The following EPHA2 variants were observed in gnomAD, a reference collection of about 807,000 sequenced individuals.
The protein encoded by EPHA2 is EPH receptor A2.
EPHA2 carries 54 observed loss-of-function variants against 104.9 expected under a neutral mutation model. That is an observed-to-expected ratio of 0.51 (90% CI 0.41 to 0.65). The LOEUF is 0.65. Ranked by LOEUF, EPHA2 falls within the 30% of genes least tolerant of loss-of-function variation. The pLI is 0.00. For synonymous variants in EPHA2, 560 were observed against 559.1 expected (o/e 1.00, Z -0.02); for missense variants, 1,117 against 1,369.5 (o/e 0.82, Z 2.91).
At chr1:16,136,217 G>A (rs1467338726) in intron 5 of EPHA2, among the ~76,000 whole-genome samples, 3 of 151,868 alleles carry the variant, frequency 2.0e-5, no homozygotes, top group Non-Finnish European at 4.4e-5. Context: ...TTCAGCTCCA[G>A]AGCACAGGGC....
At chr1:16,133,095 G>C (rs1236313283) in intron 11 of EPHA2, 85 bp downstream of exon 11, 8 of 1,569,632 alleles carry the variant, frequency 5.1e-6, no homozygotes, top group Non-Finnish European at 6.9e-6. Context: ...GTGGGCACAG[G>C]TATAGGGGAG....
At chr1:16,136,626 AAAGAAG>A (rs137893464) in intron 5 of EPHA2, among the ~76,000 whole-genome samples, 4 of 146,218 alleles carry the variant, frequency 2.7e-5, no homozygotes, top group African/African-American at 5.3e-5. Flanking sequence ...TCTCAAAAAA[AAAGAAG>A]AAGAAGAAGA....
Position 16,131,654 on chromosome 1 carries a change from C to T in EPHA2, c.2475+67G>A, listed in dbSNP as rs1007974704. 1 of 1,600,860 alleles carries T rather than the reference C, an allele frequency of 6.2e-7. No individual in the cohort carries two copies. The highest frequency in any genetic ancestry group is 8.5e-7 in the Non-Finnish European group (1 of 1,169,686). On this transcript the variant is annotated intron_variant, in intron 14 of 16. Coordinates refer to ENST00000358432, the MANE Select transcript of EPHA2 (RefSeq NM_004431.5). The surrounding 1 kb of genome is among the most constrained non-coding windows in gnomAD (Gnocchi z 5.2). ...TAAACTGTCCTCTGCCCAGCCCCTG[C>T]AGTTTGAGATGAGTAAAGGGCTTGA... is the stretch of plus-strand genomic sequence containing the variant.
Position 16,131,623 on chromosome 1 carries a change from T to G in EPHA2, c.2475+98A>C. ...CATTTATGGAGCAAGCCTAAGAAGG[T>G]TCATCTAAACTGTCCTCTGCCCAGC... On this transcript the variant is annotated intron_variant, in intron 14 of 16. Coordinates refer to ENST00000358432, the MANE Select transcript of EPHA2 (RefSeq NM_004431.5). The surrounding 1 kb of genome is among the most constrained non-coding windows in gnomAD (Gnocchi z 5.2). 6.6e-7 allele frequency: 1 copy of G among 1,523,404 alleles called. No homozygotes were observed. Among genetic ancestry groups the G allele is most frequent in the Non-Finnish European group, 9.0e-7 (1 of 1,110,288 alleles). 94.4% of individuals were successfully genotyped at this position (1,523,404 alleles called of 1,614,324 possible).
Position 16,134,373 on chromosome 1 carries a change from C to G in EPHA2, c.1682+95G>C. 1 of 1,297,460 alleles carries G rather than the reference C, an allele frequency of 7.7e-7. No individual in the cohort carries two copies. The highest frequency in any genetic ancestry group is 1.5e-5 in the African/African-American group (1 of 68,370). The allele number at this position is 1,297,460 out of a possible 1,614,324, so 80.4% of individuals were successfully genotyped here. A position where few individuals can be genotyped will look rare whatever the true frequency, so the allele number is the denominator to read the frequency against. On this transcript the variant is annotated intron_variant, in intron 8 of 16. Coordinates refer to ENST00000358432, the MANE Select transcript of EPHA2 (RefSeq NM_004431.5). The surrounding 1 kb of genome is among the most constrained non-coding windows in gnomAD (Gnocchi z 4.5). ...GGCAGGGATTAGACTCGACTAGCAT[C>G]CTGTGGGCCCCATCGTTCAGATGAG...
In EPHA2 at chr1:16,130,268, C is replaced by CGA. The variant is rs1557501814; in HGVS notation, c.2625_2626dup (p.Arg876LeufsTer65). ...CAGGGTCTTGAGGGAGTCAGGGGCA[C>CGA]GAATGAGCTTGTCCAGGATGCTGAC... On this transcript the variant is annotated frameshift_variant, in exon 15 of 17. Transcript: ENST00000358432. LOFTEE classifies it high-confidence loss of function. The surrounding 1 kb of genome is among the most constrained non-coding windows in gnomAD (Gnocchi z 4.5). 1 of 1,613,892 alleles carries CGA rather than the reference C, an allele frequency of 6.2e-7. No individual in the cohort carries two copies. Among genetic ancestry groups the CGA allele is most frequent in the Admixed American group, 1.7e-5 (1 of 59,998 alleles).
At position 16,125,388 on chromosome 1, in the gene EPHA2, GACAGGAC is replaced by G; in HGVS notation, c.2826-75_2826-69del. 1 of 376,144 alleles carries G rather than the reference GACAGGAC, an allele frequency of 2.7e-6. No homozygotes were observed. The highest frequency in any genetic ancestry group is 5.5e-6 in the Non-Finnish European group (1 of 181,646). 23.3% of individuals were successfully genotyped at this position (376,144 alleles called of 1,614,324 possible). A position where few individuals can be genotyped will look rare whatever the true frequency, so the allele number is the denominator to read the frequency against. ...AGGGGAGGGGGCCGGGCTGGGTGGG[GACAGGAC>G]TCGGTGGGCGGCTGGGGAGGGGAGT... On this transcript the variant is annotated intron_variant, in intron 16 of 16. Transcript: ENST00000358432. The surrounding 1 kb of genome is among the most constrained non-coding windows in gnomAD (Gnocchi z 4.9).
chr1:16,132,715 G>A (rs2024598754), intron 11 of EPHA2, among the ~76,000 whole-genome samples: 1 of 149,492 alleles, frequency 6.7e-6, no homozygotes, highest in Non-Finnish European at 1.5e-5. Context: ...AGGTGTAGAG[G>A]AGGTGGGTAC....
rs535388142 is a variant in EPHA2 at position 16,153,041 on chromosome 1, G to A, written c.86-2078C>T. On this transcript the variant is annotated intron_variant, in intron 1 of 16. Transcript: ENST00000358432. ...AAGGGTGGGAGCCTGGGAGCCCCTC[G>A]GCTGACCCAGACGGCTTCCTGGAGA... 3.9e-3 allele frequency: 3,356 copies of A among 849,976 alleles called. 6 individuals carry two copies. The highest frequency in any genetic ancestry group is 6.0e-3 in the Middle Eastern group (10 of 1,672). The allele number at this position is 849,976 out of a possible 1,614,324, so 52.7% of individuals were successfully genotyped here. A position where few individuals can be genotyped will look rare whatever the true frequency, so the allele number is the denominator to read the frequency against.
intron 1 of EPHA2, among the ~76,000 whole-genome samples, chr1:16,152,024 C>T (rs1182267258): frequency 6.6e-6 from 1 of 152,226 alleles, no homozygotes; most frequent in Non-Finnish European, 1.5e-5. Context: ...GTCCAGGTAG[C>T]TGCCAATAAG....
rs1288595516 is a variant in EPHA2 at position 16,149,166 on chromosome 1, A to C, written c.154-119T>G. The C allele has an allele frequency of 4.6e-6, 5 of 1,098,652 alleles. No homozygotes were observed. In the Admixed American group the frequency reaches 9.7e-5, roughly 21 times the overall value. 68.1% of individuals were successfully genotyped at this position (1,098,652 alleles called of 1,614,324 possible). ...TCGTGCTCTCCGGGTTCTACGGTGA[A>C]GGAAACTGAGGCCTGAGGCGGGTGG... On this transcript the variant is annotated intron_variant, in intron 2 of 16. Coordinates refer to ENST00000358432, the MANE Select transcript of EPHA2 (RefSeq NM_004431.5).
In EPHA2 at chr1:16,150,875, C is replaced by T. The variant is rs1180311384; in HGVS notation, c.153+21G>A. 5.6e-6 allele frequency: 9 copies of T among 1,614,024 alleles called. No individual in the cohort carries two copies. The highest frequency in any genetic ancestry group is 7.6e-6 in the Non-Finnish European group (9 of 1,179,932). On this transcript the variant is annotated intron_variant, in intron 2 of 16. Transcript: ENST00000358432. This position sits in a 1 kb window ranked among gnomAD's most constrained non-coding sequence, Gnocchi z 4.8. ...AGCAGCCCCATTCTCACACCTCTCCCCACCCCGAAGGCTTACATACCCCTT... is the reference window on the plus strand; with the variant it reads ...AGCAGCCCCATTCTCACACCTCTCCTCACCCCGAAGGCTTACATACCCCTT...
Position 16,150,752 on chromosome 1 carries a change from A to G in EPHA2, c.153+144T>C, listed in dbSNP as rs967191898. On this transcript the variant is annotated intron_variant, in intron 2 of 16. Coordinates refer to ENST00000358432, the MANE Select transcript of EPHA2 (RefSeq NM_004431.5). This position sits in a 1 kb window ranked among gnomAD's most constrained non-coding sequence, Gnocchi z 4.8. ...GCCGGCTGACTCTGAGCCTGGTGTGAGAAGCTGGACCCTGAGCCTGAGACC... is the reference window on the plus strand; with the variant it reads ...GCCGGCTGACTCTGAGCCTGGTGTGGGAAGCTGGACCCTGAGCCTGAGACC... 3.2e-6 allele frequency: 3 copies of G among 933,824 alleles called. No individual in the cohort carries two copies. In the Admixed American group the frequency reaches 5.6e-5, roughly 17 times the overall value. The allele number at this position is 933,824 out of a possible 1,614,324, so 57.8% of individuals were successfully genotyped here.
Position 16,150,880 on chromosome 1 carries a change from C to G in EPHA2, c.153+16G>C, listed in dbSNP as rs1424427299. 5 of 1,613,970 alleles carry G rather than the reference C, an allele frequency of 3.1e-6. No individual in the cohort carries two copies. In the African/African-American group the frequency reaches 6.7e-5, roughly 22 times the overall value. On this transcript the variant is annotated intron_variant, in intron 2 of 16. Coordinates refer to ENST00000358432, the MANE Select transcript of EPHA2 (RefSeq NM_004431.5). This position sits in a 1 kb window ranked among gnomAD's most constrained non-coding sequence, Gnocchi z 4.8. ...CCCCATTCTCACACCTCTCCCCACC[C>G]CGAAGGCTTACATACCCCTTTGCCA...
Position 16,134,025 on chromosome 1 carries a change from A to G in EPHA2, c.1683-110T>C. On this transcript the variant is annotated intron_variant, in intron 8 of 16. Transcript: ENST00000358432. This position sits in a 1 kb window ranked among gnomAD's most constrained non-coding sequence, Gnocchi z 4.5. ...CCTAGGAGGACCTGGGGTGCTCAGA[A>G]TGCGGCCCAGTCCCCGCTTTTGCTG... The G allele has an allele frequency of 1.8e-6, 2 of 1,113,046 alleles. No individual in the cohort carries two copies. Among genetic ancestry groups the G allele is most frequent in the Non-Finnish European group, 2.5e-6 (2 of 787,570 alleles). The allele number at this position is 1,113,046 out of a possible 1,614,324, so 68.9% of individuals were successfully genotyped here.
intron 2 of EPHA2, among the ~76,000 whole-genome samples, chr1:16,149,989 T>C (rs2025006496): frequency 6.6e-6 from 1 of 152,180 alleles, no homozygotes; most frequent in Non-Finnish European, 1.5e-5. Flanking sequence ...TACATGCCCT[T>C]GGGCCTCAGT....
intron 1 of EPHA2, 46 bp from the exon 2 acceptor site, chr1:16,151,009 G>A (rs1216449572): frequency 6.3e-7 from 1 of 1,598,828 alleles, no homozygotes; most frequent in African/African-American, 1.3e-5. Flanking sequence ...GTGTCTTCAG[G>A]AGTCAGACCA....
In EPHA2 at chr1:16,132,366, C is replaced by G. The variant is rs2024587589; in HGVS notation, c.2115+12G>C. The G allele has an allele frequency of 6.2e-7, 1 of 1,614,070 alleles. No homozygotes were observed. The highest frequency in any genetic ancestry group is 1.3e-5 in the African/African-American group (1 of 74,940). Reference sequence around the variant, plus strand: ...GCCAGGCATCCCCGCCCCCTACAACCCACATCCTTACCCGAAGGAACTTGT... The same window carrying G: ...GCCAGGCATCCCCGCCCCCTACAACGCACATCCTTACCCGAAGGAACTTGT... On this transcript the variant is annotated intron_variant, in intron 12 of 16. Coordinates refer to ENST00000358432, the MANE Select transcript of EPHA2 (RefSeq NM_004431.5).
In EPHA2 at chr1:16,149,054, G is replaced by A. The variant is rs2124264807; in HGVS notation, c.154-7C>T. The A allele has an allele frequency of 6.2e-7, 1 of 1,611,788 alleles. No homozygotes were observed. The highest frequency in any genetic ancestry group is 8.5e-7 in the Non-Finnish European group (1 of 1,180,018). On this transcript the variant is annotated splice_region_variant and splice_polypyrimidine_tract_variant and intron_variant, in intron 2 of 16. Transcript: ENST00000358432. ...TGTTCTGCATCAGGTCCCACTGTGGGGGGAAGATACAGGTTAGTGTGGGCA... is the reference window on the plus strand; with the variant it reads ...TGTTCTGCATCAGGTCCCACTGTGGAGGGAAGATACAGGTTAGTGTGGGCA...
Sources: gnomAD v4.1 joint callset for allele counts (sites outside exome capture counted in the v4.1 genomes callset) on GRCh38, gnomAD v4.1.1 for gene constraint, Gnocchi (gnomAD v3.1) non-coding constraint, MANE v1.5 for transcripts, NCBI Gene and HGNC (gene_info 2026-07-23, HGNC 2026-07-21) for gene names.